The following LRRC4B variants were observed in gnomAD, a reference collection of about 807,000 sequenced individuals.
LRRC4B encodes leucine rich repeat containing 4B.
LRRC4B carries 1 observed loss-of-function variant against 7.3 expected under a neutral mutation model. That is an observed-to-expected ratio of 0.14 (90% CI 0.05 to 0.65). The LOEUF is 0.65. Among genes scored for constraint, LRRC4B ranks in the 30% least tolerant of loss-of-function variants. The pLI, the probability that LRRC4B is intolerant of heterozygous loss-of-function variation, is 0.84. For missense variants in LRRC4B, 730 were observed against 1,041.6 expected, an observed-to-expected ratio of 0.70 and a Z score of 4.12; for synonymous variants, 500 against 499.2, an observed-to-expected ratio of 1.00 and a Z score of -0.02.
In LRRC4B at chr19:50,556,853, G is replaced by A. The variant is rs1412846897; in HGVS notation, c.-35-7980C>T. ...TGGGGGAGCCGTCCGAGGGCTAAGT[G>A]AGAGGGCGGGCACAGGGTGGGCCCC... On this transcript the variant is annotated intron_variant, in intron 1 of 2. Coordinates refer to ENST00000652263, the MANE Select transcript of LRRC4B (RefSeq NM_001080457.2). This position sits in a 1 kb window ranked among gnomAD's most constrained non-coding sequence, Gnocchi z 4.2. Among the ~76,000 whole-genome samples the A allele has an allele frequency of 1.3e-5, 2 of 152,026 alleles. No individual in the cohort carries two copies. Among genetic ancestry groups the A allele is most frequent in the Non-Finnish European group, 2.9e-5 (2 of 67,984 alleles).
At chr19:50,531,813 C>T (rs1397152674) in intron 2 of LRRC4B, among the ~76,000 whole-genome samples, 1 of 152,208 alleles carries the variant, frequency 6.6e-6, no homozygotes. Context: ...CATGGGGTTA[C>T]TGTGATGCTT....
intron 1 of LRRC4B, among the ~76,000 whole-genome samples, chr19:50,559,786 G>A (rs1982405547): frequency 6.6e-6 from 1 of 152,210 alleles, no homozygotes; most frequent in African/African-American, 2.4e-5. Flanking sequence ...ATGTGAACTG[G>A]AGCAATGCTT....
chr19:50,555,930 A>ATTGAAGCC lies in LRRC4B; in HGVS notation c.-35-7065_-35-7058dup, dbSNP rs1982260076. 1 of 152,204 alleles carries ATTGAAGCC rather than the reference A, an allele frequency of 6.6e-6. No individual in the cohort carries two copies. Among genetic ancestry groups the ATTGAAGCC allele is most frequent in the South Asian group, 2.1e-4 (1 of 4,818 alleles). 9.4% of individuals were successfully genotyped at this position (152,204 alleles called of 1,614,324 possible). ...CCTGGAGCCCAGAGGGTGGAGAGGG[A>ATTGAAGCC]TTGAAGCCGGGGAGGGATGAGCCCT... On this transcript the variant is annotated intron_variant, in intron 1 of 2. Transcript: ENST00000652263. This position sits in a 1 kb window ranked among gnomAD's most constrained non-coding sequence, Gnocchi z 5.2.
chr19:50,552,650 A>ATCCG (rs1982127616), intron 1 of LRRC4B, among the ~76,000 whole-genome samples: 1 of 95,102 alleles, frequency 1.1e-5, no homozygotes, highest in Non-Finnish European at 2.1e-5. Context: ...CCATCCGTCC[A>ATCCG]TCCATCCATC....
In LRRC4B at chr19:50,568,011, G is replaced by A. The variant is rs1687569531; in HGVS notation, c.-103C>T. The A allele has an allele frequency of 6.6e-6, 1 of 150,788 alleles. No homozygotes were observed. The highest frequency in any genetic ancestry group is 2.1e-4 in the South Asian group (1 of 4,782). The allele number at this position is 150,788 out of a possible 1,614,324, so 9.3% of individuals were successfully genotyped here. A position where few individuals can be genotyped will look rare whatever the true frequency, so the allele number is the denominator to read the frequency against. ...CGTGGGGGGAGGACCCCCCCAATGA[G>A]GCTCAGGAATTTGGGGTGCAAGGCC... On this transcript the variant is annotated 5_prime_UTR_variant, in exon 1 of 3. Coordinates refer to ENST00000652263, the MANE Select transcript of LRRC4B (RefSeq NM_001080457.2).
chr19:50,551,824 C>T (rs1279599977), intron 1 of LRRC4B, among the ~76,000 whole-genome samples: 2 of 151,742 alleles, frequency 1.3e-5, no homozygotes, highest in African/African-American at 2.4e-5. Context: ...TCTAGTCACA[C>T]GGCAGTGCAG....
chr19:50,530,085 T>C (rs1484082940), intron 2 of LRRC4B, among the ~76,000 whole-genome samples: 1 of 152,104 alleles, frequency 6.6e-6, no homozygotes, highest in African/African-American at 2.4e-5. Context: ...TTTAATGCCT[T>C]GCAGCGCACT....
rs566914890 is a variant in LRRC4B, at chr19:50,527,683, C to T, written c.298-8268G>A. ...AATTGACAGGGTGATCTTTCCTTTTCTTTCTCCTTTCTCTCTGTCTCTTTC... is the reference window on the plus strand; with the variant it reads ...AATTGACAGGGTGATCTTTCCTTTTTTTTCTCCTTTCTCTCTGTCTCTTTC... On this transcript the variant is annotated intron_variant, in intron 2 of 2. Transcript: ENST00000652263. 1.6e-4 allele frequency among the ~76,000 whole-genome samples: 24 copies of T among 151,820 alleles called. No homozygotes were observed. In the South Asian group the frequency reaches 5.0e-3, roughly 32 times the overall value.
At chr19:50,524,876 C>T (rs531935848) in intron 2 of LRRC4B, among the ~76,000 whole-genome samples, 20 of 152,316 alleles carry the variant, frequency 1.3e-4, no homozygotes, top group East Asian at 7.7e-4. Context: ...CGGGTTTACT[C>T]GGTGCCCAGG....
chr19:50,541,138 G>A (rs566818049), intron 2 of LRRC4B, among the ~76,000 whole-genome samples: 1 of 148,538 alleles, frequency 6.7e-6, no homozygotes, highest in Non-Finnish European at 1.5e-5. Context: ...GAGCCGAGAT[G>A]GCGCTACTGC....
At chr19:50,545,408 CAAAAAA>C (rs58857784) in intron 2 of LRRC4B, among the ~76,000 whole-genome samples, 2 of 78,760 alleles carry the variant, frequency 2.5e-5, no homozygotes, top group Admixed American at 3.0e-4. Flanking sequence ...AACTCCATCT[CAAAAAA>C]AAAAAAAAAA....
At chr19:50,526,884 C>T (rs1156917031) in intron 2 of LRRC4B, among the ~76,000 whole-genome samples, 1 of 146,826 alleles carries the variant, frequency 6.8e-6, no homozygotes, top group Non-Finnish European at 1.5e-5. Context: ...GATAGAGTCT[C>T]ACTCTGTTGC....
chr19:50,520,408 T>C (rs957224850), intron 2 of LRRC4B, among the ~76,000 whole-genome samples: 3 of 151,224 alleles, frequency 2.0e-5, no homozygotes, highest in African/African-American at 4.9e-5. Context: ...AGTGGGTGGA[T>C]CACCTGAGGT....
At chr19:50,540,055 A>G (rs143065862) in intron 2 of LRRC4B, among the ~76,000 whole-genome samples, 239 of 152,348 alleles carry the variant, frequency 1.6e-3, no homozygotes, top group African/African-American at 5.1e-3. Context: ...TTAAGTTTTA[A>G]AAGTGAATTG....
At chr19:50,547,079 A>G (rs1056112227) in intron 2 of LRRC4B, among the ~76,000 whole-genome samples, 6 of 152,178 alleles carry the variant, frequency 3.9e-5, no homozygotes, top group African/African-American at 1.4e-4. Flanking sequence ...GGGCAGGTGC[A>G]TGGGGACCGC....
chr19:50,528,377 C>T (rs1980909669), intron 2 of LRRC4B, among the ~76,000 whole-genome samples: 1 of 152,100 alleles, frequency 6.6e-6, no homozygotes, highest in South Asian at 2.1e-4. Context: ...TGGAATTTCA[C>T]TCTGTCGCCC....
chr19:50,533,731 C>A (rs542307055), intron 2 of LRRC4B, among the ~76,000 whole-genome samples: 1 of 152,344 alleles, frequency 6.6e-6, no homozygotes, highest in East Asian at 1.9e-4. Flanking sequence ...GCTAAATGCT[C>A]TGAGGTATGA....
chr19:50,566,648 C>G (rs1021878691), intron 1 of LRRC4B, among the ~76,000 whole-genome samples: 1 of 151,624 alleles, frequency 6.6e-6, no homozygotes, highest in African/African-American at 2.4e-5. Context: ...GGCTGGGCCC[C>G]TGGCAGGACA....
chr19:50,545,715 TTA>T (rs1220674296), intron 2 of LRRC4B, among the ~76,000 whole-genome samples: 3 of 131,878 alleles, frequency 2.3e-5, no homozygotes, highest in Non-Finnish European at 4.6e-5. Flanking sequence ...AACTAAAGAG[TTA>T]TTACTTTTTT....
Sources: gnomAD v4.1 joint callset for allele counts (sites outside exome capture counted in the v4.1 genomes callset) on GRCh38, gnomAD v4.1.1 for gene constraint, Gnocchi (gnomAD v3.1) non-coding constraint, MANE v1.5 for transcripts, NCBI Gene and HGNC (gene_info 2026-07-23, HGNC 2026-07-21) for gene names.